The following DPF3 variants were observed in gnomAD, a reference collection of about 807,000 sequenced individuals.
DPF3 encodes the protein zinc finger protein DPF3.
In DPF3, 18 loss-of-function variants were observed where a neutral mutation model predicts 56.8. That is an observed-to-expected ratio of 0.32 (90% CI 0.22 to 0.47). DPF3 has a LOEUF of 0.47. Ranked by LOEUF, DPF3 falls within the 20% of genes least tolerant of loss-of-function variation. The pLI is 1.00. For missense variants in DPF3, 403 were observed against 488.8 expected, an observed-to-expected ratio of 0.82 and a Z score of 1.65; for synonymous variants, 188 against 180.2, an observed-to-expected ratio of 1.04 and a Z score of -0.35.
At chr14:72,886,996 G>A (rs1038613525) in intron 1 of DPF3, among the ~76,000 whole-genome samples, 11 of 152,008 alleles carry the variant, frequency 7.2e-5, no homozygotes, top group Admixed American at 7.2e-4. Flanking sequence ...TAAACATCCA[G>A]GTATCTGTGG....
intron 1 of DPF3, among the ~76,000 whole-genome samples, chr14:72,814,833 G>A (rs1021380772): frequency 2.6e-5 from 4 of 151,802 alleles, no homozygotes; most frequent in Admixed American, 6.6e-5. Context: ...AAATTAACTC[G>A]ACATGGATCG....
At chr14:72,703,498 C>T (rs927235776) in intron 6 of DPF3, among the ~76,000 whole-genome samples, 1 of 131,230 alleles carries the variant, frequency 7.6e-6, no homozygotes, top group Non-Finnish European at 1.7e-5. Flanking sequence ...ATTTCTGGAT[C>T]CTCAGCAGGG....
intron 8 of DPF3, among the ~76,000 whole-genome samples, chr14:72,664,602 T>TA (rs1886369197): frequency 6.6e-6 from 1 of 151,704 alleles, no homozygotes; most frequent in Non-Finnish European, 1.5e-5. Flanking sequence ...TTCTCTCCTT[T>TA]ACCCCTCACC....
At chr14:72,863,709 C>T (rs1412108529) in intron 1 of DPF3, among the ~76,000 whole-genome samples, 1 of 152,082 alleles carries the variant, frequency 6.6e-6, no homozygotes, top group Admixed American at 6.5e-5. Context: ...CCCAGCAGAC[C>T]AGAGATAGCT....
intron 1 of DPF3, among the ~76,000 whole-genome samples, chr14:72,773,169 G>A (rs1052440733): frequency 1.1e-4 from 15 of 142,224 alleles, no homozygotes; most frequent in Non-Finnish European, 2.1e-4. Flanking sequence ...GTCTCACTCC[G>A]TCGCCCAGGC....
intron 2 of DPF3, among the ~76,000 whole-genome samples, chr14:72,768,406 T>C (rs1314078489): frequency 6.6e-6 from 1 of 152,162 alleles, no homozygotes; most frequent in Non-Finnish European, 1.5e-5. Flanking sequence ...TGGGTGGTAA[T>C]AGAATAGTTT....
intron 1 of DPF3, among the ~76,000 whole-genome samples, chr14:72,873,396 A>T (rs77974967): frequency 0.94 from 143,282 of 152,098 alleles, 67,649 homozygotes; most frequent in East Asian, 1. Flanking sequence ...CCAGTTAGAA[A>T]GGTGATCATT....
chr14:72,692,915 A>AGCTG (rs3832969), intron 7 of DPF3, among the ~76,000 whole-genome samples, 161 bp downstream of exon 7: 1 of 152,348 alleles, frequency 6.6e-6, no homozygotes, highest in East Asian at 1.9e-4. Flanking sequence ...CTGCAGGGGC[A>AGCTG]GCTGGCTGGC....
At chr14:72,670,284 C>A in intron 8 of DPF3, 1 of 985,956 alleles carries the variant, frequency 1.0e-6, no homozygotes, top group Non-Finnish European at 1.2e-6. Context: ...TATATTCCAT[C>A]CCTGCATTTG....
intron 7 of DPF3, among the ~76,000 whole-genome samples, chr14:72,692,775 T>C (rs1266760015): frequency 6.6e-6 from 1 of 152,180 alleles, no homozygotes; most frequent in Non-Finnish European, 1.5e-5. Flanking sequence ...AAAAGAGTTG[T>C]AGGTCTGGCA....
chr14:72,859,126 T>A (rs913208587), intron 1 of DPF3, among the ~76,000 whole-genome samples: 1 of 152,150 alleles, frequency 6.6e-6, no homozygotes, highest in African/African-American at 2.4e-5. Context: ...AATTTACAGA[T>A]AAAATGATGT....
At chr14:72,879,796 G>T (rs754736219) in intron 1 of DPF3, 2 of 1,533,918 alleles carry the variant, frequency 1.3e-6, no homozygotes. Context: ...TCACACTGAG[G>T]TTCTTACCCT....
intron 7 of DPF3, among the ~76,000 whole-genome samples, chr14:72,680,465 C>T (rs569255591): frequency 1.3e-5 from 2 of 152,326 alleles, no homozygotes; most frequent in East Asian, 1.9e-4. Context: ...CAGTAGGGCC[C>T]GCTCCCCACA....
At chr14:72,661,799 T>G (rs1010624587) in intron 8 of DPF3, 9 of 984,784 alleles carry the variant, frequency 9.1e-6, no homozygotes, top group African/African-American at 1.8e-5. Flanking sequence ...TCATCTCTTC[T>G]AGGAGTTGTT....
intron 1 of DPF3, among the ~76,000 whole-genome samples, chr14:72,778,129 C>A (rs371885374): frequency 1.3e-5 from 2 of 152,128 alleles, no homozygotes; most frequent in South Asian, 2.1e-4. Flanking sequence ...CCTGCTAGCA[C>A]CCTCATCTTG....
At chr14:72,680,418 AG>A in intron 7 of DPF3, among the ~76,000 whole-genome samples, 1 of 152,302 alleles carries the variant, frequency 6.6e-6, no homozygotes, top group Non-Finnish European at 1.5e-5. Context: ...CCAAATGTGG[AG>A]GGGCAGGGGG....
At chr14:72,892,975 GGAAGGA>G (rs1886820481) in intron 1 of DPF3, among the ~76,000 whole-genome samples, 1 of 133,446 alleles carries the variant, frequency 7.5e-6, no homozygotes, top group Admixed American at 7.2e-5. Flanking sequence ...AAGGAAGGAA[GGAAGGA>G]AGGAAGGAAG....
At chr14:72,680,780 G>A (rs1463875130) in intron 7 of DPF3, among the ~76,000 whole-genome samples, 1 of 152,250 alleles carries the variant, frequency 6.6e-6, no homozygotes, top group Admixed American at 6.5e-5. Context: ...CCAGAGGGCG[G>A]GCTTCTCTGG....
At chr14:72,693,432 G>A (rs764596254) in intron 6 of DPF3, among the ~76,000 whole-genome samples, 1 of 152,064 alleles carries the variant, frequency 6.6e-6, no homozygotes, top group South Asian at 2.1e-4. Flanking sequence ...AGTAAAATAT[G>A]AGGTTAAGAG....
Sources: allele counts gnomAD v4.1 joint callset (sites outside exome capture counted in the v4.1 genomes callset), GRCh38; gene constraint gnomAD v4.1.1; transcripts MANE v1.5; gene names NCBI Gene and HGNC (gene_info 2026-07-23, HGNC 2026-07-21).